The following C19orf44 variants were observed in gnomAD, a reference collection of about 807,000 sequenced individuals.
C19orf44 encodes the protein uncharacterized protein C19orf44.
C19orf44 carries 43 observed loss-of-function variants against 50.7 expected under a neutral mutation model. That is an observed-to-expected ratio of 0.85 (90% confidence interval 0.66 to 1.09). C19orf44 has a LOEUF of 1.09. Among genes scored for constraint, C19orf44 ranks in the 50% least tolerant of loss-of-function variants. The probability of loss-of-function intolerance (pLI) is 0.00; values close to 1 mark genes in which losing one functional copy is unlikely to be tolerated. For synonymous variants in C19orf44, 298 were observed against 334.7 expected (o/e 0.89, Z 1.20); for missense variants, 722 against 836.2 (o/e 0.86, Z 1.68).
rs542615283 is a variant in C19orf44 at position 16,498,347 on chromosome 19, G to C, written c.-2+1882G>C. On this transcript the variant is annotated intron_variant, in intron 1 of 8. Coordinates refer to ENST00000221671, the MANE Select transcript of C19orf44 (RefSeq NM_032207.4). ...CATCCGGGCTGGAGTCCAGTGGCAC[G>C]ATCATAGCTCACTGCAGCCTCAAAC... 2.6e-4 allele frequency among the ~76,000 whole-genome samples: 39 copies of C among 152,154 alleles called. No homozygotes were observed. The South Asian group carries it at 2.7e-3, about 11-fold the overall frequency.
chr19:16,500,296 C>G, intron 1 of C19orf44, among the ~76,000 whole-genome samples: 1 of 151,530 alleles, frequency 6.6e-6, no homozygotes, highest in East Asian at 1.9e-4. Context: ...AGGGATACCT[C>G]GATTTTCACA....
intron 3 of C19orf44, among the ~76,000 whole-genome samples, chr19:16,503,996 G>T (rs1188050527): frequency 6.6e-6 from 1 of 151,424 alleles, no homozygotes; most frequent in African/African-American, 2.4e-5. Context: ...CTGGCAACAT[G>T]GTGAAACCCT....
intron 3 of C19orf44, among the ~76,000 whole-genome samples, chr19:16,504,822 T>TA (rs2093435832): frequency 8.3e-6 from 1 of 121,034 alleles, no homozygotes; most frequent in Non-Finnish European, 1.7e-5. Flanking sequence ...GTGAGGCTGG[T>TA]CTTTTTTTTT....
At chr19:16,506,889 C>A in intron 4 of C19orf44, 115 bp downstream of exon 4, 1 of 693,440 alleles carries the variant, frequency 1.4e-6, no homozygotes, top group Non-Finnish European at 2.4e-6. Context: ...TTGCCCAGGC[C>A]GTCCTCAAAC....
chr19:16,518,786 A>G (rs995134599), intron 8 of C19orf44: 2 of 258,084 alleles, frequency 7.7e-6, no homozygotes, highest in Admixed American at 5.4e-5. Flanking sequence ...CTTCCTGCAC[A>G]TGCTCCTCCT....
Position 16,500,979 on chromosome 19 carries a change from C to G in C19orf44, c.187C>G (p.Leu63Val). Reference protein sequence around the residue: ...RNQTLDEKHLLLKENPVLGSG... With the variant: ...RNQTLDEKHLVLKENPVLGSG... ...CCAAACTCTAGATGAGAAACACTTA[C>G]TCCTGAAAGAGAACCCTGTGCTCGG... The change falls in exon 2 of 9, where the codon CTC (leucine) becomes GTC (valine). Residue 63 changes from leucine (L) to valine (V), a missense_variant. By Grantham distance (32) the Leu-to-Val change is conservative (BLOSUM62 1). Transcript: ENST00000221671. 1 of 1,613,546 alleles carries G rather than the reference C, an allele frequency of 6.2e-7. No individual in the cohort carries two copies. Among genetic ancestry groups the G allele is most frequent in the Non-Finnish European group, 8.5e-7 (1 of 1,179,864 alleles).
At chr19:16,507,332 TCAC>T (rs1599733110) in intron 4 of C19orf44, among the ~76,000 whole-genome samples, 1 of 152,160 alleles carries the variant, frequency 6.6e-6, no homozygotes, top group African/African-American at 2.4e-5. Context: ...AGGCAACACT[TCAC>T]CAGCCGTATC....
chr19:16,512,036 A>G (rs2093458716), intron 5 of C19orf44, among the ~76,000 whole-genome samples: 1 of 151,068 alleles, frequency 6.6e-6, no homozygotes, highest in Non-Finnish European at 1.5e-5. Flanking sequence ...AAAAAAAAAA[A>G]AAAGGCAATG....
Position 16,512,995 on chromosome 19 carries a change from C to T in C19orf44, c.1640-19C>T, listed in dbSNP as rs1466534720. On this transcript the variant is annotated intron_variant, in intron 5 of 8. Transcript: ENST00000221671. ...CTCTGCGTCCTGCCTGCTTACCCCT[C>T]TCTTTGTCCCCGAGATAGTGGCCAG... The T allele has an allele frequency of 5.0e-6, 8 of 1,609,286 alleles. No homozygotes were observed. The highest frequency in any genetic ancestry group is 6.8e-6 in the Non-Finnish European group (8 of 1,178,682).
chr19:16,506,037 G>C (rs565724474), intron 3 of C19orf44, among the ~76,000 whole-genome samples: 2 of 151,130 alleles, frequency 1.3e-5, no homozygotes, highest in Non-Finnish European at 2.9e-5. Context: ...GGAGTGCAGT[G>C]GTGTGATCAT....
Position 16,519,934 on chromosome 19 carries a change from C to T in C19orf44, c.*41-160C>T, listed in dbSNP as rs890976566. 1.5e-6 allele frequency: 1 copy of T among 658,222 alleles called. No individual in the cohort carries two copies. The highest frequency in any genetic ancestry group is 2.6e-6 in the Non-Finnish European group (1 of 381,980). 40.8% of individuals were successfully genotyped at this position (658,222 alleles called of 1,614,324 possible). ...CACGCTCAGCATTGAGAGCAGGACA[C>T]CTCCAACCCAGATGGTGGTTAGAAA... On this transcript the variant is annotated intron_variant, in intron 8 of 8. Coordinates refer to ENST00000221671, the MANE Select transcript of C19orf44 (RefSeq NM_032207.4). The surrounding 1 kb of genome is among the most constrained non-coding windows in gnomAD (Gnocchi z 6.0).
At chr19:16,510,679 T>C in intron 5 of C19orf44, among the ~76,000 whole-genome samples, 1 of 152,122 alleles carries the variant, frequency 6.6e-6, no homozygotes, top group East Asian at 1.9e-4. Context: ...GTGCACAGGA[T>C]GCCTTTGTCC....
intron 1 of C19orf44, among the ~76,000 whole-genome samples, chr19:16,498,351 A>G (rs1329323646): frequency 1.3e-5 from 2 of 152,090 alleles, no homozygotes; most frequent in African/African-American, 4.8e-5. Context: ...TGGCACGATC[A>G]TAGCTCACTG....
In C19orf44 at chr19:16,509,680, T is replaced by C. The variant is rs2093450848; in HGVS notation, c.1331T>C (p.Ile444Thr). ...EHLSASSASAIQQDSTSSMQP... is the reference protein window; with the variant it reads ...EHLSASSASATQQDSTSSMQP... Reference sequence around the variant, plus strand: ...CTCAGTGCCAGCTCGGCTTCTGCCATCCAGCAGGACAGCACTTCCAGCATG... The same window carrying C: ...CTCAGTGCCAGCTCGGCTTCTGCCACCCAGCAGGACAGCACTTCCAGCATG... The change falls in exon 5 of 9, where the codon ATC becomes ACC. Residue 444 changes from isoleucine (I) to threonine (T), a missense_variant. Physicochemically the swap from Ile to Thr is moderately conservative, Grantham distance 89. Transcript: ENST00000221671. The C allele has an allele frequency of 2.5e-6, 4 of 1,614,066 alleles. No homozygotes were observed. The highest frequency in any genetic ancestry group is 1.3e-5 in the African/African-American group (1 of 74,930).
chr19:16,520,767 C>T lies in C19orf44; in HGVS notation c.*714C>T, dbSNP rs371651741. On this transcript the variant is annotated 3_prime_UTR_variant, in exon 9 of 9. Transcript: ENST00000221671. This position sits in a 1 kb window ranked among gnomAD's most constrained non-coding sequence, Gnocchi z 4.0. ...GATGAGTGTATCTGGGGTCTGCTCCCACCCATCACAAGCTGTGGACCCTGG... is the reference window on the plus strand; with the variant it reads ...GATGAGTGTATCTGGGGTCTGCTCCTACCCATCACAAGCTGTGGACCCTGG... 3.0e-5 allele frequency: 46 copies of T among 1,511,932 alleles called. No individual in the cohort carries two copies. The African/African-American group carries it at 5.5e-4, about 18-fold the overall frequency. 93.7% of individuals were successfully genotyped at this position (1,511,932 alleles called of 1,614,324 possible). A position where few individuals can be genotyped will look rare whatever the true frequency, so the allele number is the denominator to read the frequency against.
intron 7 of C19orf44, among the ~76,000 whole-genome samples, chr19:16,516,882 C>T (rs2093474027): frequency 6.6e-6 from 1 of 152,206 alleles, no homozygotes; most frequent in African/African-American, 2.4e-5. Flanking sequence ...TCCATCAGCC[C>T]ATCCGATGCA....
chr19:16,508,455 G>T (rs1009709269), intron 4 of C19orf44, among the ~76,000 whole-genome samples: 1 of 151,900 alleles, frequency 6.6e-6, no homozygotes, highest in East Asian at 1.9e-4. Flanking sequence ...GCAGTTGGGG[G>T]ATCATGGCTC....
chr19:16,512,014 CAAAA>C (rs1203102155), intron 5 of C19orf44, among the ~76,000 whole-genome samples: 8 of 47,400 alleles, frequency 1.7e-4, no homozygotes, highest in African/African-American at 5.3e-4. Flanking sequence ...GACTCTGTCT[CAAAA>C]AAAAAAAAAA....
chr19:16,500,717 G>T, intron 1 of C19orf44, 75 bp from the exon 2 acceptor site: 1 of 1,419,056 alleles, frequency 7.0e-7, no homozygotes, highest in Non-Finnish European at 9.5e-7. Flanking sequence ...GTGAGCTTTT[G>T]CCAAGTAGGA....
Sources: allele counts gnomAD v4.1 joint callset (sites outside exome capture counted in the v4.1 genomes callset), GRCh38; gene constraint gnomAD v4.1.1; non-coding constraint Gnocchi (gnomAD v3.1); transcripts MANE v1.5; gene names NCBI Gene and HGNC (gene_info 2026-07-23, HGNC 2026-07-21).